Variants in BCAS3 observed in about 807,000 individuals in gnomAD.
BCAS3 encodes the protein BCAS3 microtubule associated cell migration factor.
Under a neutral mutation model 116.1 loss-of-function variants are expected in BCAS3, and 53 were observed. The ratio of observed to expected loss-of-function variants is 0.46; its 90% CI spans 0.37 to 0.57. The LOEUF is 0.57. Ranked by LOEUF, BCAS3 falls within the 20% of genes least tolerant of loss-of-function variation. BCAS3 has a pLI of 0.00. For synonymous variants in BCAS3, 391 were observed against 408.2 expected (o/e 0.96, Z 0.51); for missense variants, 917 against 1,165.4 (o/e 0.79, Z 3.10).
At position 61,134,625 on chromosome 17, in the gene BCAS3, G is replaced by C. The variant is rs2076521613; in HGVS notation, c.2425+50061G>C. On this transcript the variant is annotated intron_variant, in intron 22 of 23. Transcript: ENST00000407086. The surrounding 1 kb of genome is among the most constrained non-coding windows in gnomAD (Gnocchi z 4.6). ...GGGACATTTAGAGACAAACTGAAAT[G>C]GTGATTGTAATGACATTTCAAGTTA... is the stretch of plus-strand genomic sequence containing the variant. Among the ~76,000 whole-genome samples the C allele has an allele frequency of 6.6e-6, 1 of 152,174 alleles. No individual in the cohort carries two copies. The highest frequency in any genetic ancestry group is 1.5e-5 in the Non-Finnish European group (1 of 68,030).
chr17:61,269,131 T>G (rs2050016507), intron 22 of BCAS3, among the ~76,000 whole-genome samples: 1 of 151,266 alleles, frequency 6.6e-6, no homozygotes, highest in Non-Finnish European at 1.5e-5. Flanking sequence ...TTTTTTTTTT[T>G]GAAATGGAGT....
rs1456800987 is a variant in BCAS3 at position 61,278,170 on chromosome 17, G to A, written c.2426-90157G>A. 6.6e-6 allele frequency among the ~76,000 whole-genome samples: 1 copy of A among 152,172 alleles called. No individual in the cohort carries two copies. Among genetic ancestry groups the A allele is most frequent in the African/African-American group, 2.4e-5 (1 of 41,438 alleles). The stretch of plus-strand genomic sequence containing the variant: ...CAATTCTCCTGCCTCAGCCTCCCGA[G>A]TAGCTGGGATTACAGACACATGCCA... On this transcript the variant is annotated intron_variant, in intron 22 of 23. Transcript: ENST00000407086. The surrounding 1 kb of genome is among the most constrained non-coding windows in gnomAD (Gnocchi z 5.8).
chr17:61,180,994 G>GA lies in BCAS3; in HGVS notation c.2425+96431dup, dbSNP rs1033345249. Among the ~76,000 whole-genome samples the GA allele has an allele frequency of 2.6e-5, 4 of 152,062 alleles. No homozygotes were observed. The highest frequency in any genetic ancestry group is 9.7e-5 in the African/African-American group (4 of 41,386). On this transcript the variant is annotated intron_variant, in intron 22 of 23. Coordinates refer to ENST00000407086, the MANE Select transcript of BCAS3 (RefSeq NM_017679.5). This position sits in a 1 kb window ranked among gnomAD's most constrained non-coding sequence, Gnocchi z 6.0. ...GCACTTTGGGAGGCTGGGGTGGGGG[G>GA]ATCACTTGAGCCCAAGAGTTCGAGA... is the stretch of plus-strand genomic sequence containing the variant.
At chr17:61,038,717 G>A (rs1477456159) in intron 18 of BCAS3, among the ~76,000 whole-genome samples, 2 of 134,392 alleles carry the variant, frequency 1.5e-5, no homozygotes, top group Non-Finnish European at 3.1e-5. Context: ...TGCCCAGGCT[G>A]GAGGGCAGTG....
At chr17:61,164,608 G>A (rs2078375385) in intron 22 of BCAS3, among the ~76,000 whole-genome samples, 1 of 152,138 alleles carries the variant, frequency 6.6e-6, no homozygotes, top group South Asian at 2.1e-4. Flanking sequence ...GTGAGATTCT[G>A]ACTAAAGGGT....
At chr17:60,893,199 TTACTC>T (rs1184002515) in intron 10 of BCAS3, among the ~76,000 whole-genome samples, 1 of 152,226 alleles carries the variant, frequency 6.6e-6, no homozygotes, top group African/African-American at 2.4e-5. Context: ...GTTTATCTGT[TTACTC>T]TATCGATTAT....
chr17:60,732,291 A>T (rs1182943001), intron 5 of BCAS3, among the ~76,000 whole-genome samples: 2 of 152,164 alleles, frequency 1.3e-5, no homozygotes, highest in Non-Finnish European at 2.9e-5. Flanking sequence ...ATGTGAAACA[A>T]TTAGATAAGA....
intron 22 of BCAS3, chr17:61,086,845 C>T: frequency 1.0e-6 from 1 of 985,332 alleles, no homozygotes; most frequent in Non-Finnish European, 1.2e-6. Flanking sequence ...CTTCAGCTAC[C>T]TCTCAATTGG....
intron 12 of BCAS3, among the ~76,000 whole-genome samples, chr17:60,912,437 T>C (rs1003674076): frequency 6.6e-6 from 1 of 152,122 alleles, no homozygotes; most frequent in African/African-American, 2.4e-5. Flanking sequence ...CTAGTTCCTA[T>C]AGTAAGATTA....
At chr17:60,827,712 TC>T (rs1310144106) in intron 7 of BCAS3, among the ~76,000 whole-genome samples, 21 of 151,498 alleles carry the variant, frequency 1.4e-4, no homozygotes, top group African/African-American at 4.9e-4. Context: ...AATAGTTTTC[TC>T]ATGTTTCTTT....
At chr17:60,819,186 T>G (rs2049710250) in intron 7 of BCAS3, among the ~76,000 whole-genome samples, 1 of 152,218 alleles carries the variant, frequency 6.6e-6, no homozygotes, top group South Asian at 2.1e-4. Context: ...CCCAGTTCAC[T>G]TAATTACTTA....
At chr17:61,101,819 A>G (rs1397109727) in intron 22 of BCAS3, among the ~76,000 whole-genome samples, 1 of 152,154 alleles carries the variant, frequency 6.6e-6, no homozygotes, top group Non-Finnish European at 1.5e-5. Flanking sequence ...AATTTAAGGA[A>G]GTGCAGATAT....
At chr17:61,054,014 G>A (rs1039571620) in intron 19 of BCAS3, among the ~76,000 whole-genome samples, 29 of 152,298 alleles carry the variant, frequency 1.9e-4, no homozygotes, top group African/African-American at 6.0e-4. Context: ...AAAGTTTCTT[G>A]TTCACTGAAA....
At chr17:60,992,994 A>G (rs186946906) in intron 15 of BCAS3, among the ~76,000 whole-genome samples, 6 of 152,328 alleles carry the variant, frequency 3.9e-5, no homozygotes, top group East Asian at 1.9e-4. Flanking sequence ...TTAGTAAATT[A>G]AGAAGGCTTT....
intron 22 of BCAS3, among the ~76,000 whole-genome samples, chr17:61,342,532 G>A (rs928976285): frequency 2.6e-5 from 4 of 152,198 alleles, no homozygotes; most frequent in Admixed American, 1.3e-4. Flanking sequence ...ACCTCCCAAC[G>A]CCGAGCACAT....
chr17:60,695,356 C>T (rs987525829), intron 4 of BCAS3, among the ~76,000 whole-genome samples: 4 of 152,138 alleles, frequency 2.6e-5, no homozygotes, highest in African/African-American at 9.7e-5. Context: ...TCGTGATCTG[C>T]CCACCTCGGC....
At chr17:61,009,026 G>A (rs1231653463) in intron 15 of BCAS3, among the ~76,000 whole-genome samples, 1 of 152,000 alleles carries the variant, frequency 6.6e-6, no homozygotes, top group Non-Finnish European at 1.5e-5. Flanking sequence ...ATAAGTGTAT[G>A]GAGAGGTGAT....
intron 21 of BCAS3, among the ~76,000 whole-genome samples, chr17:61,078,957 C>T (rs993546415): frequency 2.6e-5 from 4 of 152,090 alleles, no homozygotes; most frequent in African/African-American, 9.7e-5. Context: ...GATGGAAAAA[C>T]GTTGGTATAA....
chr17:60,808,016 G>A lies in BCAS3; in HGVS notation c.416G>A (p.Cys139Tyr). 1 of 1,606,880 alleles carries A rather than the reference G, an allele frequency of 6.2e-7. No individual in the cohort carries two copies. Among genetic ancestry groups the A allele is most frequent in the South Asian group, 1.1e-5 (1 of 90,078 alleles). ...LPAPQFGAQK[C>Y]DNFAEKRPLL... ...TCCTTCCTGTCAGGTGCTCAAAAAT[G>A]TGATAACTTTGCTGAAAAAAGACCC... The change falls in exon 7 of 24, where the codon TGT (cysteine) becomes TAT (tyrosine). Residue 139 changes from cysteine to tyrosine, a missense_variant. By Grantham distance (194) the Cys-to-Tyr change is radical (BLOSUM62 -2). Transcript: ENST00000407086.
Sources: gnomAD v4.1 joint callset for allele counts (sites outside exome capture counted in the v4.1 genomes callset) on GRCh38, gnomAD v4.1.1 for gene constraint, Gnocchi (gnomAD v3.1) non-coding constraint, MANE v1.5 for transcripts, NCBI Gene and HGNC (gene_info 2026-07-23, HGNC 2026-07-21) for gene names.